TAOK1: variants seen among roughly 807,000 people sequenced by gnomAD.
The protein encoded by TAOK1 is serine/threonine-protein kinase TAO1.
TAOK1 carries 21 observed loss-of-function variants against 138.3 expected under a neutral mutation model. The observed-to-expected ratio is 0.15, with a 90% CI of 0.11 to 0.22. TAOK1 has a LOEUF of 0.22. TAOK1 is among the 10% of genes least tolerant of loss of function. The pLI is 1.00. For missense variants in TAOK1, 651 were observed against 1,227.7 expected, an observed-to-expected ratio of 0.53 and a Z score of 7.02; for synonymous variants, 361 against 398.4, an observed-to-expected ratio of 0.91 and a Z score of 1.12.
In TAOK1 at chr17:29,545,684, A is replaced by G. The variant is rs114883092; in HGVS notation, c.*2662A>G. On this transcript the variant is annotated 3_prime_UTR_variant, in exon 20 of 20. Transcript: ENST00000261716. ...ATCTAGCTTCTGAGGAATCTCATAC[A>G]TAGTAGGAACCATCATAGAGTAAAG... 1.6e-3 allele frequency: 238 copies of G among 152,328 alleles called. 1 individual carries two copies. The highest frequency in any genetic ancestry group is 5.5e-3 in the African/African-American group (228 of 41,582). 9.4% of individuals were successfully genotyped at this position (152,328 alleles called of 1,614,324 possible).
intron 1 of TAOK1, among the ~76,000 whole-genome samples, chr17:29,417,576 C>G (rs1410654259): frequency 6.6e-6 from 1 of 152,158 alleles, no homozygotes; most frequent in Non-Finnish European, 1.5e-5. Flanking sequence ...GCCCATGGAA[C>G]AGCTTACTTT....
intron 18 of TAOK1, among the ~76,000 whole-genome samples, chr17:29,533,417 C>T (rs2032163631): frequency 6.6e-6 from 1 of 152,040 alleles, no homozygotes; most frequent in South Asian, 2.1e-4. Flanking sequence ...GGCAGAGACG[C>T]TCCTCACTTC....
rs1381775633 is a variant in TAOK1 at position 29,544,040 on chromosome 17, C to G, written c.*1018C>G. 1.3e-5 allele frequency: 2 copies of G among 152,528 alleles called. No individual in the cohort carries two copies. The highest frequency in any genetic ancestry group is 2.9e-5 in the Non-Finnish European group (2 of 68,032). The allele number at this position is 152,528 out of a possible 1,614,324, so 9.4% of individuals were successfully genotyped here. ...AAACAGTACTTTTACTTTGTTTGTA[C>G]AAAAACAAAGACATATAGCCAATAC... On this transcript the variant is annotated 3_prime_UTR_variant, in exon 20 of 20. Transcript: ENST00000261716.
At chr17:29,420,014 G>C (rs1905382304) in intron 1 of TAOK1, among the ~76,000 whole-genome samples, 1 of 151,066 alleles carries the variant, frequency 6.6e-6, no homozygotes, top group African/African-American at 2.4e-5. Context: ...CAAGTAGCTG[G>C]GACTACAAGT....
chr17:29,440,412 C>T (rs2029907984), intron 1 of TAOK1, among the ~76,000 whole-genome samples: 1 of 151,978 alleles, frequency 6.6e-6, no homozygotes, highest in Non-Finnish European at 1.5e-5. Context: ...CCACAACCCC[C>T]CAAAAGTGGC....
intron 18 of TAOK1, among the ~76,000 whole-genome samples, chr17:29,531,252 C>G (rs534443303): frequency 1.3e-5 from 2 of 151,556 alleles, no homozygotes; most frequent in African/African-American, 4.8e-5. Context: ...CAGGCATGAG[C>G]CACCACGCCC....
At position 29,549,146 on chromosome 17, in the gene TAOK1, A is replaced by G. The variant is rs1380491493; in HGVS notation, c.*6124A>G. On this transcript the variant is annotated 3_prime_UTR_variant, in exon 20 of 20. Transcript: ENST00000261716. Reference sequence around the variant, plus strand: ...TTTTCAAATGAAATGAACTATGCTTATTGCTGGCACATTGATCCCATTTCT... The same window carrying G: ...TTTTCAAATGAAATGAACTATGCTTGTTGCTGGCACATTGATCCCATTTCT... 6.6e-6 allele frequency: 1 copy of G among 152,152 alleles called. No individual in the cohort carries two copies. The highest frequency in any genetic ancestry group is 1.5e-5 in the Non-Finnish European group (1 of 68,012). The allele number at this position is 152,152 out of a possible 1,614,324, so 9.4% of individuals were successfully genotyped here.
intron 1 of TAOK1, among the ~76,000 whole-genome samples, chr17:29,443,678 T>G (rs1469044733): frequency 2.6e-5 from 4 of 152,228 alleles, no homozygotes; most frequent in African/African-American, 9.6e-5. Flanking sequence ...TTAGGAAGGA[T>G]ATGGTAAATT....
intron 13 of TAOK1, among the ~76,000 whole-genome samples, chr17:29,506,584 G>T (rs2031632914): frequency 6.6e-6 from 1 of 152,006 alleles, no homozygotes; most frequent in Admixed American, 6.6e-5. Context: ...ATAATATATT[G>T]AATATTTTGA....
rs937201729 is a variant in TAOK1, at chr17:29,545,474, A to G, written c.*2452A>G. 6.6e-6 allele frequency: 1 copy of G among 152,222 alleles called. No homozygotes were observed. Among genetic ancestry groups the G allele is most frequent in the Admixed American group, 6.5e-5 (1 of 15,274 alleles). 9.4% of individuals were successfully genotyped at this position (152,222 alleles called of 1,614,324 possible). A position where few individuals can be genotyped will look rare whatever the true frequency, so the allele number is the denominator to read the frequency against. On this transcript the variant is annotated 3_prime_UTR_variant, in exon 20 of 20. Transcript: ENST00000261716. ...TTTTAAAGTCCAATTGTGGACTTAA[A>G]TTAGTCAAATTGAGAGTTACTGAGT... is the stretch of plus-strand genomic sequence containing the variant.
rs761962930 is a variant in TAOK1, at chr17:29,468,135, A to ATTTTTTTTTTTTTT, written c.204+923_204+936dup. ...AACCACTGTGCTTGGCCTGCTTTCA[A>ATTTTTTTTTTTTTT]TTTTTTTTTTTTTTTTTAGGAGCTG... On this transcript the variant is annotated intron_variant, in intron 3 of 19. Transcript: ENST00000261716. 3.7e-3 allele frequency among the ~76,000 whole-genome samples: 280 copies of ATTTTTTTTTTTTTT among 76,044 alleles called. 52 individuals are homozygous for ATTTTTTTTTTTTTT. Among genetic ancestry groups the ATTTTTTTTTTTTTT allele is most frequent in the East Asian group, 0.017 (26 of 1,498 alleles). 49.9% of individuals were successfully genotyped at this position (76,044 alleles called of 152,430 possible). A position where few individuals can be genotyped will look rare whatever the true frequency, so the allele number is the denominator to read the frequency against.
At chr17:29,400,876 CATT>C (rs35663584) in intron 1 of TAOK1, among the ~76,000 whole-genome samples, 2,689 of 145,830 alleles carry the variant, frequency 0.018, 38 homozygotes, top group Non-Finnish European at 0.03. Context: ...TAAGGGTAAA[CATT>C]ATTATGGGAA....
intron 1 of TAOK1, among the ~76,000 whole-genome samples, chr17:29,425,821 A>G (rs1905618006): frequency 6.6e-6 from 1 of 152,234 alleles, no homozygotes; most frequent in South Asian, 2.1e-4. Context: ...TAAATATTGT[A>G]AAATTTCTCT....
At chr17:29,487,590 G>T (rs529638588) in intron 8 of TAOK1, among the ~76,000 whole-genome samples, 1 of 152,228 alleles carries the variant, frequency 6.6e-6, no homozygotes, top group South Asian at 2.1e-4. Context: ...ATGAAGCTAG[G>T]ACATCTTAGT....
chr17:29,526,066 G>A (rs1189971475), intron 17 of TAOK1, among the ~76,000 whole-genome samples: 1 of 151,976 alleles, frequency 6.6e-6, no homozygotes, highest in Non-Finnish European at 1.5e-5. Flanking sequence ...GGCTGAGGTC[G>A]GGAGTTCGAG....
At chr17:29,488,897 A>T (rs1480117841) in intron 8 of TAOK1, among the ~76,000 whole-genome samples, 1 of 152,188 alleles carries the variant, frequency 6.6e-6, no homozygotes, top group Non-Finnish European at 1.5e-5. Context: ...TAAAAGAGTA[A>T]TGGGGAAATA....
intron 1 of TAOK1, among the ~76,000 whole-genome samples, chr17:29,411,532 CAGGCACACACCGCCA>C (rs1905144330): frequency 6.6e-6 from 1 of 152,068 alleles, no homozygotes; most frequent in Non-Finnish European, 1.5e-5. Context: ...GCTGGAACTA[CAGGCACACACCGCCA>C]TGCCTGGCTA....
chr17:29,528,706 G>T (rs898248861), intron 17 of TAOK1, among the ~76,000 whole-genome samples: 11 of 151,770 alleles, frequency 7.2e-5, no homozygotes, highest in Non-Finnish European at 1.3e-4. Context: ...TGGGCTTGGT[G>T]GTGCAAGCCT....
chr17:29,491,530 T>A (rs979003028), intron 9 of TAOK1, among the ~76,000 whole-genome samples: 2 of 152,090 alleles, frequency 1.3e-5, no homozygotes, highest in African/African-American at 4.8e-5. Flanking sequence ...TATAGTAATA[T>A]GAGTTGTGAT....
Sources: gnomAD v4.1 joint callset for allele counts (sites outside exome capture counted in the v4.1 genomes callset) on GRCh38, gnomAD v4.1.1 for gene constraint, MANE v1.5 for transcripts, NCBI Gene and HGNC (gene_info 2026-07-23, HGNC 2026-07-21) for gene names.